Variants in SMIM10L3 observed in about 807,000 individuals in gnomAD.
SMIM10L3 encodes the protein salivary gland specific protein SAGSIN1.
the SMIM10L3 span, among the ~76,000 whole-genome samples, chr7:6,342,220 C>G: frequency 6.6e-6 from 1 of 151,892 alleles, no homozygotes; most frequent in East Asian, 1.9e-4. Flanking sequence ...TTCTTACTTT[C>G]TCTTTCTCTC....
chr7:6,338,252 T>C, the SMIM10L3 span, among the ~76,000 whole-genome samples: 2 of 152,222 alleles, frequency 1.3e-5, no homozygotes, highest in African/African-American at 2.4e-5. Context: ...AAGTCATTTA[T>C]GAGTTTTTTC....
the SMIM10L3 span, among the ~76,000 whole-genome samples, chr7:6,339,774 C>T: frequency 6.6e-6 from 1 of 151,888 alleles, no homozygotes; most frequent in East Asian, 1.9e-4. Flanking sequence ...CCCAGCCGTA[C>T]CCCTCTCTTA....
At chr7:6,347,614 C>T in the SMIM10L3 span, among the ~76,000 whole-genome samples, 21 of 152,092 alleles carry the variant, frequency 1.4e-4, no homozygotes, top group African/African-American at 4.8e-4. Flanking sequence ...GGTTCCAGGC[C>T]TCTGAGACGT....
the SMIM10L3 span, among the ~76,000 whole-genome samples, chr7:6,334,623 C>A: frequency 6.6e-6 from 1 of 151,924 alleles, no homozygotes; most frequent in South Asian, 2.1e-4. Context: ...CACACCGCCA[C>A]GCCCGGCTAA....
At chr7:6,330,233 CAATTTACTTT>C in the SMIM10L3 span, 1 of 819,878 alleles carries the variant, frequency 1.2e-6, no homozygotes, top group South Asian at 1.9e-5. Flanking sequence ...AATTTAAACT[CAATTTACTTT>C]AAGTCTGCCA....
At chr7:6,335,497 G>C in the SMIM10L3 span, among the ~76,000 whole-genome samples, 1 of 151,866 alleles carries the variant, frequency 6.6e-6, no homozygotes, top group South Asian at 2.1e-4. Flanking sequence ...CAAAGTGTTG[G>C]GACTACAGGT....
the SMIM10L3 span, among the ~76,000 whole-genome samples, chr7:6,333,407 A>G: frequency 5.3e-5 from 8 of 152,274 alleles, no homozygotes; most frequent in Middle Eastern, 3.4e-3. Flanking sequence ...GGTTCAGAAT[A>G]GACACACTAG....
the SMIM10L3 span, among the ~76,000 whole-genome samples, chr7:6,333,168 C>CAAAAAAAAAAAAAAAAAA: frequency 7.8e-6 from 1 of 127,996 alleles, no homozygotes. Context: ...ATAAAAAAAT[C>CAAAAAAAAAAAAAAAAAA]AAAAAAAAAA....
the SMIM10L3 span, among the ~76,000 whole-genome samples, chr7:6,335,132 A>T: frequency 5.9e-5 from 9 of 151,264 alleles, no homozygotes; most frequent in East Asian, 9.8e-4. Context: ...GTGCAATCTT[A>T]GCTCACTGCA....
the SMIM10L3 span, among the ~76,000 whole-genome samples, chr7:6,339,838 C>T: frequency 6.6e-6 from 1 of 151,892 alleles, no homozygotes; most frequent in Non-Finnish European, 1.5e-5. Flanking sequence ...GGTGCGATCA[C>T]AAGGAGAGGA....
the SMIM10L3 span, chr7:6,348,756 CAT>C: frequency 2.5e-6 from 1 of 400,408 alleles, no homozygotes; most frequent in Non-Finnish European, 4.4e-6. Flanking sequence ...GAGCCGCCGC[CAT>C]ATAGAGACCG....
the SMIM10L3 span, among the ~76,000 whole-genome samples, chr7:6,334,274 G>A: frequency 1.7e-4 from 26 of 150,712 alleles, no homozygotes; most frequent in South Asian, 6.4e-4. Flanking sequence ...AGTGGCTCAC[G>A]CCTGTAATCC....
chr7:6,343,932 C>G, the SMIM10L3 span, among the ~76,000 whole-genome samples: 1 of 152,124 alleles, frequency 6.6e-6, no homozygotes, highest in Admixed American at 6.6e-5. Context: ...GTCACCCATG[C>G]TGGAGAGCAG....
At chr7:6,340,200 T>C in the SMIM10L3 span, among the ~76,000 whole-genome samples, 126 of 152,292 alleles carry the variant, frequency 8.3e-4, no homozygotes, top group Non-Finnish European at 5.9e-4. Flanking sequence ...CAGGATTCTG[T>C]GAAGATTCGA....
the SMIM10L3 span, among the ~76,000 whole-genome samples, chr7:6,340,377 G>A: frequency 6.6e-6 from 1 of 152,144 alleles, no homozygotes; most frequent in Non-Finnish European, 1.5e-5. Context: ...TGCGGTGGAG[G>A]ACGGAGAAGC....
At chr7:6,348,461 G>A in the SMIM10L3 span, 1 of 403,322 alleles carries the variant, frequency 2.5e-6, no homozygotes, top group South Asian at 1.0e-4. Flanking sequence ...AATGCACGGT[G>A]CTTGACATAC....
At chr7:6,343,285 G>C in the SMIM10L3 span, among the ~76,000 whole-genome samples, 1 of 150,750 alleles carries the variant, frequency 6.6e-6, no homozygotes, top group Non-Finnish European at 1.5e-5. Flanking sequence ...GCTGAGGCAG[G>C]AGAATCGCTT....
chr7:6,344,445 C>T, the SMIM10L3 span, among the ~76,000 whole-genome samples: 6 of 152,024 alleles, frequency 3.9e-5, no homozygotes, highest in Non-Finnish European at 5.9e-5. Context: ...TTTTTACAGA[C>T]GGGGTCTTGC....
At chr7:6,330,534 C>T in the SMIM10L3 span, 4,299 of 1,614,134 alleles carry the variant, frequency 2.7e-3, 77 homozygotes, top group African/African-American at 0.044. Flanking sequence ...TGCGTTTTGT[C>T]TCCTCACTCA....
Sources: gnomAD v4.1 joint callset for allele counts (sites outside exome capture counted in the v4.1 genomes callset) on GRCh38, gnomAD v4.1.1 for gene constraint, MANE v1.5 for transcripts, NCBI Gene and HGNC (gene_info 2026-07-23, HGNC 2026-07-21) for gene names.